The following PKHD1 variants were observed in gnomAD, a reference collection of about 807,000 sequenced individuals.
The protein encoded by PKHD1 is PKHD1 ciliary IPT domain containing fibrocystin/polyductin.
In PKHD1, 291 loss-of-function variants were observed where a neutral mutation model predicts 412.0. The observed-to-expected ratio is 0.71, with a 90% CI of 0.64 to 0.78. The LOEUF is 0.78. Among genes scored for constraint, PKHD1 ranks in the 30% least tolerant of loss-of-function variants. The pLI, the probability that PKHD1 is intolerant of heterozygous loss-of-function variation, is 0.00. For missense variants in PKHD1, 4,825 were observed against 4,950.7 expected (o/e 0.97, Z 0.76); for synonymous variants, 1,777 against 1,821.5 (o/e 0.98, Z 0.62).
At chr6:51,723,290 C>G (rs1782158582) in intron 60 of PKHD1, among the ~76,000 whole-genome samples, 1 of 152,298 alleles carries the variant, frequency 6.6e-6, no homozygotes, top group South Asian at 2.1e-4. Context: ...CCATTTTCAA[C>G]AGATTCCAAG....
chr6:51,923,329 C>T (rs935534008), intron 37 of PKHD1, among the ~76,000 whole-genome samples: 3 of 152,154 alleles, frequency 2.0e-5, no homozygotes, highest in Non-Finnish European at 2.9e-5. Flanking sequence ...TTGCAGACCA[C>T]GTGGTCTCTG....
chr6:51,666,776 T>C (rs1581940101), intron 60 of PKHD1, among the ~76,000 whole-genome samples: 1 of 148,780 alleles, frequency 6.7e-6, no homozygotes, highest in Admixed American at 6.8e-5. Flanking sequence ...TTCCCACCTA[T>C]GAGTGAGAAT....
intron 35 of PKHD1, among the ~76,000 whole-genome samples, chr6:51,970,945 TC>T (rs1405069710): frequency 6.6e-6 from 1 of 152,202 alleles, no homozygotes; most frequent in Non-Finnish European, 1.5e-5. Context: ...AGTTTTTTGG[TC>T]CCATATGAAT....
chr6:51,624,464 G>T (rs1443560998), intron 66 of PKHD1, among the ~76,000 whole-genome samples: 1 of 152,062 alleles, frequency 6.6e-6, no homozygotes, highest in Non-Finnish European at 1.5e-5. Flanking sequence ...TCCTATCCCT[G>T]TCATTCTCAT....
chr6:52,042,399 A>G (rs191765645), intron 27 of PKHD1, among the ~76,000 whole-genome samples: 22 of 152,348 alleles, frequency 1.4e-4, no homozygotes, highest in Admixed American at 1.2e-3. Flanking sequence ...GATTCTTGCA[A>G]TCTGGCTGGG....
At chr6:51,844,014 C>A (rs1770707627) in intron 50 of PKHD1, among the ~76,000 whole-genome samples, 1 of 152,160 alleles carries the variant, frequency 6.6e-6, no homozygotes, top group Admixed American at 6.5e-5. Context: ...GAGGGAGACC[C>A]TTTCAGAAAG....
chr6:51,965,711 C>G (rs1160629122), intron 35 of PKHD1, among the ~76,000 whole-genome samples: 1 of 151,906 alleles, frequency 6.6e-6, no homozygotes, highest in Non-Finnish European at 1.5e-5. Context: ...TCAAATTGAC[C>G]CTTTCTCATC....
Position 51,914,467 on chromosome 6 carries a change from T to G in PKHD1, c.6122-1891A>C, listed in dbSNP as rs576502330. On this transcript the variant is annotated intron_variant, in intron 37 of 66. Coordinates refer to ENST00000371117, the MANE Select transcript of PKHD1 (RefSeq NM_138694.4). ...TGGCCTCATATTTCTAGCTACATAG[T>G]AGATATTGACATTTAGATGAGCTAC... 6.4e-4 allele frequency among the ~76,000 whole-genome samples: 98 copies of G among 152,234 alleles called. 4 individuals are homozygous for G. In the South Asian group the frequency reaches 0.02, roughly 31 times the overall value.
rs1201781294 is a variant in PKHD1, at chr6:52,020,630, A to T, written c.5380+2171T>A. ...GCCATAGAGGAACTAAGAATACTCC[A>T]CTTTCCAAAGAACCACCCGCTGATT... On this transcript the variant is annotated intron_variant, in intron 33 of 66. Coordinates refer to ENST00000371117, the MANE Select transcript of PKHD1 (RefSeq NM_138694.4). 2.0e-5 allele frequency among the ~76,000 whole-genome samples: 3 copies of T among 152,194 alleles called. No homozygotes were observed. In the East Asian group the frequency reaches 5.8e-4, roughly 29 times the overall value.
intron 5 of PKHD1, among the ~76,000 whole-genome samples, chr6:52,079,063 A>G (rs1440274819): frequency 6.6e-6 from 1 of 152,220 alleles, no homozygotes; most frequent in Admixed American, 6.5e-5. Flanking sequence ...GTATGTTTTG[A>G]AACAGCTCTT....
chr6:52,073,823 C>G (rs770325395), intron 6 of PKHD1, among the ~76,000 whole-genome samples: 1 of 152,156 alleles, frequency 6.6e-6, no homozygotes, highest in Non-Finnish European at 1.5e-5. Flanking sequence ...TTCACAGTCT[C>G]AGATTGTGTG....
At chr6:51,940,241 C>T (rs1788264716) in intron 36 of PKHD1, among the ~76,000 whole-genome samples, 1 of 151,602 alleles carries the variant, frequency 6.6e-6, no homozygotes, top group Admixed American at 6.6e-5. Flanking sequence ...AAATTCCGGC[C>T]CTCAAACCCC....
intron 35 of PKHD1, among the ~76,000 whole-genome samples, chr6:51,961,453 A>T (rs1454452339): frequency 1.3e-5 from 2 of 152,136 alleles, no homozygotes; most frequent in Non-Finnish European, 2.9e-5. Flanking sequence ...CCAGTATCAC[A>T]GAAAAAAGAA....
intron 35 of PKHD1, among the ~76,000 whole-genome samples, chr6:52,006,549 G>A (rs1799089757): frequency 6.6e-6 from 1 of 151,950 alleles, no homozygotes; most frequent in Non-Finnish European, 1.5e-5. Flanking sequence ...GCTCATTTTT[G>A]TATTTTTAGT....
intron 60 of PKHD1, chr6:51,721,825 T>C (rs940839249): frequency 2.0e-6 from 3 of 1,502,064 alleles, no homozygotes; most frequent in Non-Finnish European, 2.7e-6. Context: ...CTGGCTGCCA[T>C]CAATCTCCTC....
At chr6:51,834,339 C>A (rs1313275740) in intron 51 of PKHD1, among the ~76,000 whole-genome samples, 1 of 152,114 alleles carries the variant, frequency 6.6e-6, no homozygotes, top group Non-Finnish European at 1.5e-5. Context: ...GCGACAAAAA[C>A]TTAGGTCTGT....
intron 48 of PKHD1, 68 bp downstream of exon 48, chr6:51,867,795 G>A (rs1775315019): frequency 7.1e-7 from 1 of 1,413,958 alleles, no homozygotes; most frequent in African/African-American, 1.4e-5. Flanking sequence ...CCTTCTATAA[G>A]CCTCGACAGC....
At chr6:51,688,661 G>A (rs773749869) in intron 60 of PKHD1, among the ~76,000 whole-genome samples, 27 of 151,640 alleles carry the variant, frequency 1.8e-4, no homozygotes, top group Non-Finnish European at 2.7e-4. Flanking sequence ...ATATCACCAC[G>A]GACCCCACAG....
chr6:52,014,539 G>A (rs1019686376), intron 34 of PKHD1, among the ~76,000 whole-genome samples: 1 of 151,704 alleles, frequency 6.6e-6, no homozygotes, highest in Non-Finnish European at 1.5e-5. Context: ...AGAGATGGAT[G>A]GATGGATGAA....
Sources: allele counts gnomAD v4.1 joint callset (sites outside exome capture counted in the v4.1 genomes callset), GRCh38; gene constraint gnomAD v4.1.1; transcripts MANE v1.5; gene names NCBI Gene and HGNC (gene_info 2026-07-23, HGNC 2026-07-21).